Variants in FBN2 observed in about 807,000 individuals in gnomAD.
FBN2 encodes the protein fibrillin 2, also known as fibrillin-2.
A neutral mutation model predicts 355.6 loss-of-function variants in FBN2; 105 were observed. That is an observed-to-expected ratio of 0.30 (90% CI 0.25 to 0.35). The LOEUF (loss-of-function observed/expected upper bound fraction) is 0.35. Ranked by LOEUF, FBN2 falls within the 10% of genes least tolerant of loss-of-function variation. The pLI, the probability that FBN2 is intolerant of heterozygous loss-of-function variation, is 1.00. For missense variants in FBN2, 3,280 were observed against 3,758.7 expected (o/e 0.87, Z 3.33); for synonymous variants, 1,350 against 1,301.2 (o/e 1.04, Z -0.81).
At chr5:128,536,361 G>A (rs758050968) in intron 2 of FBN2, 41 bp downstream of exon 2, 7 of 1,529,446 alleles carry the variant, frequency 4.6e-6, no homozygotes, top group South Asian at 2.3e-5. Context: ...AGATAGGGCC[G>A]AGTGCGCTGC....
At chr5:128,278,096 T>G in intron 57 of FBN2, 91 bp from the exon 58 acceptor site, 2 of 1,330,474 alleles carry the variant, frequency 1.5e-6, no homozygotes, top group Non-Finnish European at 2.2e-6. Context: ...GAAATGGAGA[T>G]GACATAACTA....
In FBN2 at chr5:128,335,260, C is replaced by T. The variant is rs759131544; in HGVS notation, c.3883G>A (p.Asp1295Asn). 29 of 1,614,014 alleles carry T rather than the reference C, an allele frequency of 1.8e-5. No homozygotes were observed. The highest frequency in any genetic ancestry group is 4.0e-5 in the African/African-American group (3 of 74,920). Residue 1295 changes from aspartate to asparagine, a missense_variant, in exon 30 of 65, where the codon GAT becomes AAT. By Grantham distance (23) the Asp-to-Asn change is conservative. Around this residue, in one of 6 missense-constraint regions of FBN2, gnomAD observed 2,284 missense variants for 2,749.5 expected, o/e 0.83. Coordinates refer to ENST00000262464, the MANE Select transcript of FBN2 (RefSeq NM_001999.4). ...DECENNPDIC[D>N]GGQCTNIPGE... ...GGAATGTTGGTACACTGGCCGCCAT[C>T]ACAGATATCAGGATTGTTTTCACAT...
intron 23 of FBN2, among the ~76,000 whole-genome samples, chr5:128,347,431 G>A (rs904240453): frequency 2.6e-5 from 4 of 152,158 alleles, no homozygotes; most frequent in African/African-American, 9.7e-5. Flanking sequence ...GATTGTCCTT[G>A]CATGGAAATT....
intron 17 of FBN2, among the ~76,000 whole-genome samples, chr5:128,365,593 C>T (rs568192529): frequency 6.6e-6 from 1 of 151,714 alleles, no homozygotes; most frequent in East Asian, 1.9e-4. Context: ...ACATTACTGC[C>T]TACCATCTAT....
At chr5:128,501,247 T>C (rs552613178) in intron 5 of FBN2, among the ~76,000 whole-genome samples, 41 of 152,316 alleles carry the variant, frequency 2.7e-4, no homozygotes, top group Non-Finnish European at 5.3e-4. Flanking sequence ...ACACAAAATA[T>C]GTGAAGAATA....
intron 55 of FBN2, among the ~76,000 whole-genome samples, chr5:128,285,133 A>AT (rs1282555954): frequency 6.6e-6 from 1 of 152,192 alleles, no homozygotes; most frequent in Non-Finnish European, 1.5e-5. Context: ...AAGAGGTCTT[A>AT]GATTTCCTGT....
intron 20 of FBN2, among the ~76,000 whole-genome samples, chr5:128,356,265 G>A (rs1226091997): frequency 1.3e-5 from 2 of 152,218 alleles, no homozygotes; most frequent in African/African-American, 4.8e-5. Context: ...GGGAAACGAG[G>A]AGTTGGTGTT....
At chr5:128,367,926 T>C (rs1751817074) in intron 16 of FBN2, among the ~76,000 whole-genome samples, 1 of 152,182 alleles carries the variant, frequency 6.6e-6, no homozygotes. Context: ...CAAATCATTA[T>C]TTCCACGTTT....
intron 7 of FBN2, among the ~76,000 whole-genome samples, chr5:128,430,026 A>C (rs1054776325): frequency 1.3e-5 from 2 of 152,166 alleles, no homozygotes; most frequent in African/African-American, 4.8e-5. Flanking sequence ...ATATCATTTA[A>C]AGCACTTTTT....
intron 62 of FBN2, among the ~76,000 whole-genome samples, chr5:128,269,265 A>G (rs1022497245): frequency 1.0e-4 from 15 of 144,766 alleles, no homozygotes; most frequent in African/African-American, 3.3e-4. Context: ...AAATACAATA[A>G]TAATAATAAT....
chr5:128,477,123 G>C (rs4836374), intron 5 of FBN2, among the ~76,000 whole-genome samples: 18,234 of 152,248 alleles, frequency 0.12, 1,221 homozygotes, highest in African/African-American at 0.18. Context: ...CTAGCCACAT[G>C]TGGTTTTCTA....
At chr5:128,421,557 G>T (rs543194552) in intron 7 of FBN2, among the ~76,000 whole-genome samples, 1 of 152,268 alleles carries the variant, frequency 6.6e-6, no homozygotes, top group East Asian at 1.9e-4. Flanking sequence ...TGACTGTCTA[G>T]AGTAAGTCTT....
intron 17 of FBN2, among the ~76,000 whole-genome samples, chr5:128,366,053 A>C (rs1751756776): frequency 6.6e-6 from 1 of 152,004 alleles, no homozygotes; most frequent in Non-Finnish European, 1.5e-5. Flanking sequence ...TTTTATCATA[A>C]AATTGACTTA....
chr5:128,488,835 A>C (rs7705281), intron 5 of FBN2, among the ~76,000 whole-genome samples: 74,942 of 151,204 alleles, frequency 0.5, 21,815 homozygotes, highest in African/African-American at 0.82. Flanking sequence ...TGAACTCATC[A>C]TTTTTTATGG....
intron 11 of FBN2, among the ~76,000 whole-genome samples, chr5:128,388,588 C>T (rs755571795): frequency 2.0e-5 from 3 of 152,130 alleles, no homozygotes; most frequent in African/African-American, 2.4e-5. Flanking sequence ...TTCCCCTTCA[C>T]GTATGAAGCT....
At chr5:128,459,392 T>C (rs1754496657) in intron 6 of FBN2, among the ~76,000 whole-genome samples, 1 of 152,176 alleles carries the variant, frequency 6.6e-6, no homozygotes, top group Admixed American at 6.5e-5. Context: ...GCTGGTTCCA[T>C]TCCTTCTGGA....
chr5:128,528,624 AGATTC>A (rs1254935203), intron 3 of FBN2, among the ~76,000 whole-genome samples: 1 of 152,160 alleles, frequency 6.6e-6, no homozygotes, highest in Non-Finnish European at 1.5e-5. Context: ...AAGAATGGAG[AGATTC>A]CTGTGGTTAA....
chr5:128,366,936 C>T (rs1258260815), intron 16 of FBN2, among the ~76,000 whole-genome samples: 1 of 152,114 alleles, frequency 6.6e-6, no homozygotes, highest in African/African-American at 2.4e-5. Flanking sequence ...TGACCAAAGT[C>T]ACAGAGGTTG....
At chr5:128,288,695 G>T in intron 52 of FBN2, 138 bp from the exon 53 acceptor site, 1 of 957,812 alleles carries the variant, frequency 1.0e-6, no homozygotes. Flanking sequence ...CTTGGGCCTT[G>T]GCTGGCTGGC....
Sources: allele counts gnomAD v4.1 joint callset (sites outside exome capture counted in the v4.1 genomes callset), GRCh38; gene constraint gnomAD v4.1.1; regional missense constraint gnomAD v4.1.1; transcripts MANE v1.5; gene names NCBI Gene and HGNC (gene_info 2026-07-23, HGNC 2026-07-21).